OSBPL1A: variants seen among roughly 807,000 people sequenced by gnomAD.
OSBPL1A encodes oxysterol binding protein like 1A.
In OSBPL1A, 80 loss-of-function variants were observed where a neutral mutation model predicts 137.1. The observed-to-expected ratio is 0.58, with a 90% CI of 0.49 to 0.70. OSBPL1A has a LOEUF of 0.70. Among genes scored for constraint, OSBPL1A ranks in the 30% least tolerant of loss-of-function variants. The pLI is 0.00. For missense variants in OSBPL1A, 970 were observed against 1,129.4 expected (o/e 0.86, Z 2.02); for synonymous variants, 365 against 389.7 (o/e 0.94, Z 0.75).
chr18:24,252,626 A>T (rs1283916571), intron 15 of OSBPL1A, among the ~76,000 whole-genome samples: 2 of 152,236 alleles, frequency 1.3e-5, no homozygotes, highest in African/African-American at 4.8e-5. Flanking sequence ...GTACAAAGTC[A>T]TCTGAAGGTA....
At chr18:24,275,802 A>G (rs2089833135) in intron 15 of OSBPL1A, among the ~76,000 whole-genome samples, 1 of 150,446 alleles carries the variant, frequency 6.6e-6, no homozygotes, top group Non-Finnish European at 1.5e-5. Flanking sequence ...AATCTCGCTT[A>G]CTGCAATCTC....
intron 19 of OSBPL1A, 89 bp downstream of exon 19, chr18:24,181,056 A>T: frequency 1.4e-6 from 2 of 1,441,798 alleles, no homozygotes; most frequent in Non-Finnish European, 1.9e-6. Context: ...CATTGAATTT[A>T]ACACTAATTG....
intron 4 of OSBPL1A, among the ~76,000 whole-genome samples, chr18:24,360,348 C>A (rs1481726005): frequency 6.6e-6 from 1 of 152,140 alleles, no homozygotes; most frequent in East Asian, 1.9e-4. Context: ...CTTTTCAACT[C>A]AACATTCTAC....
intron 15 of OSBPL1A, among the ~76,000 whole-genome samples, chr18:24,262,631 T>G (rs1207132352): frequency 6.6e-6 from 1 of 152,194 alleles, no homozygotes; most frequent in Non-Finnish European, 1.5e-5. Flanking sequence ...AGTGTATGAT[T>G]CAGTAAGCTT....
chr18:24,235,582 T>C (rs928067222), intron 16 of OSBPL1A, among the ~76,000 whole-genome samples: 2 of 152,224 alleles, frequency 1.3e-5, no homozygotes, highest in Non-Finnish European at 2.9e-5. Context: ...TCACTCCTAG[T>C]TTCTGGCTTT....
In OSBPL1A at chr18:24,280,094, C is replaced by T. The variant is rs1031973483; in HGVS notation, c.1281+748G>A. 1.8e-4 allele frequency among the ~76,000 whole-genome samples: 28 copies of T among 151,978 alleles called. 1 individual carries two copies. The highest frequency in any genetic ancestry group is 1.2e-3 in the Admixed American group (19 of 15,248). ...CCCAAGTAGCTGGATTGCAGGTGTGCGCCACCACGCCTGGCTAATTTTTGT... is the reference window on the plus strand; with the variant it reads ...CCCAAGTAGCTGGATTGCAGGTGTGTGCCACCACGCCTGGCTAATTTTTGT... On this transcript the variant is annotated intron_variant, in intron 15 of 27. Transcript: ENST00000319481.
intron 14 of OSBPL1A, among the ~76,000 whole-genome samples, chr18:24,294,780 T>C (rs992511676): frequency 3.9e-5 from 6 of 152,260 alleles, no homozygotes. Flanking sequence ...TATTCCATGT[T>C]GTATAAATAC....
intron 15 of OSBPL1A, among the ~76,000 whole-genome samples, chr18:24,275,728 CT>C (rs11290304): frequency 0.099 from 14,117 of 142,912 alleles, 2,150 homozygotes; most frequent in African/African-American, 0.33. Context: ...GTCCCACTCT[CT>C]TTTTTTTTTT....
intron 1 of OSBPL1A, among the ~76,000 whole-genome samples, chr18:24,386,371 T>C (rs1286092025): frequency 6.6e-6 from 1 of 152,200 alleles, no homozygotes; most frequent in Non-Finnish European, 1.5e-5. Flanking sequence ...TCTCTCACGT[T>C]CAAAGCAATT....
chr18:24,265,092 C>T (rs2089539137), intron 15 of OSBPL1A, among the ~76,000 whole-genome samples: 1 of 152,202 alleles, frequency 6.6e-6, no homozygotes, highest in Non-Finnish European at 1.5e-5. Flanking sequence ...CAATCTAATA[C>T]CGATTCTGAG....
chr18:24,321,405 T>C (rs537545639), intron 7 of OSBPL1A, among the ~76,000 whole-genome samples: 1 of 152,300 alleles, frequency 6.6e-6, no homozygotes, highest in South Asian at 2.1e-4. Flanking sequence ...CAAGTGATCC[T>C]CTCACCTCAG....
At position 24,181,251 on chromosome 18, in the gene OSBPL1A, A is replaced by G. The variant is rs1443234843; in HGVS notation, c.1706T>C (p.Ile569Thr). Residue 569 changes from isoleucine to threonine, a missense_variant, in exon 19 of 28, where the codon ATA (isoleucine) becomes ACA (threonine). Ile to Thr is a moderately conservative substitution (Grantham distance 89, BLOSUM62 -1). Transcript: ENST00000319481. ...TAGGAAGCTCAGAGGCTCATTAAATATAACTGGCATCGTGATCTTGGATAG... is the reference window on the plus strand; with the variant it reads ...TAGGAAGCTCAGAGGCTCATTAAATGTAACTGGCATCGTGATCTTGGATAG... ...MELSKITMPV[I>T]FNEPLSFLQR... 1.2e-6 allele frequency: 2 copies of G among 1,614,086 alleles called. No homozygotes were observed. The highest frequency in any genetic ancestry group is 1.7e-6 in the Non-Finnish European group (2 of 1,180,042).
intron 1 of OSBPL1A, among the ~76,000 whole-genome samples, chr18:24,390,694 C>CAAAAAAA (rs751432894): frequency 1.1e-4 from 6 of 56,202 alleles, no homozygotes; most frequent in African/African-American, 4.3e-4. Context: ...GACTCCGTCT[C>CAAAAAAA]AAAAAAAAAA....
At position 24,351,672 on chromosome 18, in the gene OSBPL1A, G is replaced by A. The variant is rs574313237; in HGVS notation, c.283-10014C>T. On this transcript the variant is annotated intron_variant, in intron 4 of 27. Transcript: ENST00000319481. The stretch of plus-strand genomic sequence containing the variant: ...CTCCTGCCCCAGCCTCCTGAGTAGC[G>A]GGGATTATAGGTGTGTGCCACCATG... Among the ~76,000 whole-genome samples, 23 of 152,104 alleles carry A rather than the reference G, an allele frequency of 1.5e-4. No homozygotes were observed. In the East Asian group the frequency reaches 2.3e-3, roughly 15 times the overall value.
chr18:24,396,125 C>T (rs1277083780), intron 1 of OSBPL1A, among the ~76,000 whole-genome samples: 1 of 150,998 alleles, frequency 6.6e-6, no homozygotes, highest in Admixed American at 6.6e-5. Context: ...AGGCTGAGAC[C>T]GGAGAATTGC....
intron 1 of OSBPL1A, among the ~76,000 whole-genome samples, chr18:24,383,004 G>T (rs890770126): frequency 6.6e-6 from 1 of 152,136 alleles, no homozygotes; most frequent in African/African-American, 2.4e-5. Context: ...CTAAATATCG[G>T]CAGAGAAACA....
intron 17 of OSBPL1A, among the ~76,000 whole-genome samples, chr18:24,223,442 G>A (rs944003240): frequency 5.3e-5 from 8 of 151,940 alleles, no homozygotes; most frequent in African/African-American, 1.4e-4. Context: ...ACTGAAGAAC[G>A]TCATACTACA....
chr18:24,389,204 G>A (rs1273915254), intron 1 of OSBPL1A, among the ~76,000 whole-genome samples: 5 of 152,042 alleles, frequency 3.3e-5, no homozygotes, highest in Non-Finnish European at 5.9e-5. Context: ...TCACATTCAC[G>A]CAATTCCAAG....
chr18:24,273,848 C>G (rs984318949), intron 15 of OSBPL1A, among the ~76,000 whole-genome samples: 44 of 152,142 alleles, frequency 2.9e-4, no homozygotes, highest in Non-Finnish European at 7.3e-5. Flanking sequence ...ACAGAGCAGC[C>G]TTGAGAATTT....
Sources: allele counts gnomAD v4.1 joint callset (sites outside exome capture counted in the v4.1 genomes callset), GRCh38; gene constraint gnomAD v4.1.1; transcripts MANE v1.5; gene names NCBI Gene and HGNC (gene_info 2026-07-23, HGNC 2026-07-21).